The following RNASEL variants were observed in gnomAD, a reference collection of about 807,000 sequenced individuals.
RNASEL encodes ribonuclease L, also known as 2-5A-dependent ribonuclease.
In RNASEL, 36 loss-of-function variants were observed where a neutral mutation model predicts 50.9. The observed-to-expected ratio is 0.71, with a 90% CI of 0.54 to 0.93. The LOEUF (loss-of-function observed/expected upper bound fraction) is 0.93, where lower values mean the gene tolerates loss of function less well. Ranked by LOEUF, RNASEL falls within the 40% of genes least tolerant of loss-of-function variation. The probability of loss-of-function intolerance (pLI) is 0.00; values close to 1 mark genes in which losing one functional copy is unlikely to be tolerated. For missense variants in RNASEL, 860 were observed against 894.5 expected (o/e 0.96, Z 0.49); for synonymous variants, 335 against 335.6 (o/e 1.00, Z 0.02).
intron 6 of RNASEL, 91 bp downstream of exon 6, chr1:182,576,163 TTC>T: frequency 3.1e-6 from 4 of 1,310,612 alleles, no homozygotes; most frequent in Non-Finnish European, 4.3e-6. Context: ...AAAATAAATT[TTC>T]TTTTTTCCAT....
At position 182,573,639 on chromosome 1, in the gene RNASEL, C is replaced by A. The variant is rs1454423412; in HGVS notation, c.*1753G>T. 5.6e-6 allele frequency: 1 copy of A among 177,070 alleles called. No homozygotes were observed. Among genetic ancestry groups the A allele is most frequent in the Admixed American group, 6.3e-5 (1 of 15,802 alleles). The allele number at this position is 177,070 out of a possible 1,614,324, so 11.0% of individuals were successfully genotyped here. A position where few individuals can be genotyped will look rare whatever the true frequency, so the allele number is the denominator to read the frequency against. On this transcript the variant is annotated 3_prime_UTR_variant, in exon 7 of 7. Transcript: ENST00000367559. ...TTAAAGAAAATCAGACTAAATAAGA[C>A]AATTTAAAGTTTTATTGAGTAAGCT...
chr1:182,583,671 GC>G (rs1480515703), intron 3 of RNASEL, among the ~76,000 whole-genome samples: 1 of 152,156 alleles, frequency 6.6e-6, no homozygotes, highest in African/African-American at 2.4e-5. Flanking sequence ...AAATGAAAGA[GC>G]AGACAACTTG....
chr1:182,580,038 T>C (rs920229511), intron 5 of RNASEL: 1 of 452,602 alleles, frequency 2.2e-6, no homozygotes, highest in Admixed American at 2.4e-5. Flanking sequence ...TCTCAGAAGT[T>C]GTGCTAAAGA....
chr1:182,584,229 G>T, intron 2 of RNASEL, 63 bp from the exon 3 acceptor site: 4 of 1,042,232 alleles, frequency 3.8e-6, no homozygotes, highest in Non-Finnish European at 6.1e-6. Context: ...AGAGTCAATT[G>T]ATTTATATAA....
In RNASEL at chr1:182,582,087, G is replaced by A; in HGVS notation, c.1738C>T (p.Leu580=). Residue 580 remains leucine (L), a synonymous_variant, in exon 4 of 7, where the codon CTG becomes TTG. Transcript: ENST00000367559. The stretch of plus-strand genomic sequence containing the variant: ...GTCCAAAAGAAGGGATGACCCAGCA[G>A]GTCACTCAGACAGTCCCTCACATGT... ...GEHVRDCLSD[L]LGHPFFWTWE... The A allele has an allele frequency of 1.9e-6, 3 of 1,614,190 alleles. No homozygotes were observed. The highest frequency in any genetic ancestry group is 2.5e-6 in the Non-Finnish European group (3 of 1,180,028).
chr1:182,575,251 C>T lies in RNASEL; in HGVS notation c.*141G>A. On this transcript the variant is annotated 3_prime_UTR_variant, in exon 7 of 7. Coordinates refer to ENST00000367559, the MANE Select transcript of RNASEL (RefSeq NM_021133.4). ...GCTTTTGTTATAGACATATGGAATA[C>T]ACGATGCCAGGGACTGACATATCAG... 1.2e-6 allele frequency: 1 copy of T among 802,214 alleles called. No individual in the cohort carries two copies. Among genetic ancestry groups the T allele is most frequent in the Non-Finnish European group, 2.2e-6 (1 of 458,694 alleles). The allele number at this position is 802,214 out of a possible 1,614,324, so 49.7% of individuals were successfully genotyped here. A position where few individuals can be genotyped will look rare whatever the true frequency, so the allele number is the denominator to read the frequency against.
At position 182,586,681 on chromosome 1, in the gene RNASEL, C is replaced by T. The variant is rs184061573; in HGVS notation, c.126G>A (p.Gln42=). 7.8e-5 allele frequency: 126 copies of T among 1,614,162 alleles called. No homozygotes were observed. The East Asian group carries it at 2.6e-3, about 34-fold the overall frequency. ...AVQNEDVDLV[Q]QLLEGGANVN... ...CATTGGCTCCACCTTCCAGCAATTG[C>T]TGGACCAGGTCAACATCTTCGTTTT... Residue 42 remains glutamine, a synonymous_variant, in exon 2 of 7, where the codon CAG becomes CAA. Transcript: ENST00000367559.
rs201388394 is a variant in RNASEL at position 182,585,674 on chromosome 1, C to T, written c.1133G>A (p.Gly378Asp). ...KYKIADTSEG[G>D]IYLGFYEKQE... ...CTTCTCATAGAACCCCAGGTAGATG[C>T]CTCCTTCTGAAGTATCAGCAATTTT... is the stretch of plus-strand genomic sequence containing the variant. The change falls in exon 2 of 7, where the codon GGC becomes GAC. Residue 378 changes from glycine to aspartate, a missense_variant. By Grantham distance (94) the Gly-to-Asp change is moderately conservative (BLOSUM62 -1). Coordinates refer to ENST00000367559, the MANE Select transcript of RNASEL (RefSeq NM_021133.4). 3.7e-6 allele frequency: 6 copies of T among 1,614,018 alleles called. No homozygotes were observed. Among genetic ancestry groups the T allele is most frequent in the Non-Finnish European group, 5.1e-6 (6 of 1,180,036 alleles).
intron 5 of RNASEL, among the ~76,000 whole-genome samples, chr1:182,581,001 G>A (rs1661482616): frequency 6.6e-6 from 1 of 152,182 alleles, no homozygotes; most frequent in Middle Eastern, 3.2e-3. Flanking sequence ...TCTATCAGAG[G>A]GGCATGGGTC....
At position 182,586,167 on chromosome 1, in the gene RNASEL, C is replaced by G. The variant is rs755094245; in HGVS notation, c.640G>C (p.Asp214His). Residue 214 changes from aspartate to histidine, a missense_variant, in exon 2 of 7, where the codon GAC (aspartate) becomes CAC (histidine). By Grantham distance (81) the Asp-to-His change is moderately conservative. Transcript: ENST00000367559. ...NALIHALLSS[D>H]DSDVEAITHL... ...GTAATAGCCTCCACATCACTATCGT[C>G]AGAGCTCAGGAGAGCATGGATCAAG... The G allele has an allele frequency of 6.2e-7, 1 of 1,614,224 alleles. No homozygotes were observed. Among genetic ancestry groups the G allele is most frequent in the Non-Finnish European group, 8.5e-7 (1 of 1,180,036 alleles).
At position 182,585,514 on chromosome 1, in the gene RNASEL, A is replaced by C. The variant is rs1571269292; in HGVS notation, c.1293T>G (p.Phe431Leu). Residue 431 changes from phenylalanine to leucine, a missense_variant, in exon 2 of 7, where the codon TTT becomes TTG. Transcript: ENST00000367559. Reference sequence around the variant, plus strand: ...TCTGCTCACAGAGGGTGACACACACAAACAAGTGGCCCCTGTGGCTCTCAC... The same window carrying C: ...TCTGCTCACAGAGGGTGACACACACCAACAAGTGGCCCCTGTGGCTCTCAC... ...YGSESHRGHLFVCVTLCEQTL... is the reference protein window; with the variant it reads ...YGSESHRGHLLVCVTLCEQTL... The C allele has an allele frequency of 3.7e-6, 6 of 1,614,160 alleles. No homozygotes were observed. The highest frequency in any genetic ancestry group is 1.6e-4 in the Middle Eastern group (1 of 6,062).
Position 182,575,306 on chromosome 1 carries a change from G to A in RNASEL, c.*86C>T, listed in dbSNP as rs898669025. 1 of 1,340,428 alleles carries A rather than the reference G, an allele frequency of 7.5e-7. No individual in the cohort carries two copies. Among genetic ancestry groups the A allele is most frequent in the Non-Finnish European group, 1.1e-6 (1 of 932,430 alleles). 83.0% of individuals were successfully genotyped at this position (1,340,428 alleles called of 1,614,324 possible). A position where few individuals can be genotyped will look rare whatever the true frequency, so the allele number is the denominator to read the frequency against. ...GCAACTCATCCCTCACAAGCAACCT[G>A]GTGAGTTAAAAGGCCCAGAATGTTG... On this transcript the variant is annotated 3_prime_UTR_variant, in exon 7 of 7. Transcript: ENST00000367559.
At position 182,585,336 on chromosome 1, in the gene RNASEL, T is replaced by C. The variant is rs1661570825; in HGVS notation, c.1471A>G (p.Ile491Val). ...YTHQDLQPQN[I>V]LIDSKKAAHL... ...GGGATTGGGGACTCACCTATTAAGA[T>C]GTTTTGTGGTTGCAGATCCTGGTGG... The change falls in exon 2 of 7, where the codon ATC becomes GTC. Residue 491 changes from isoleucine (I) to valine (V), a missense_variant. Physicochemically the swap from Ile to Val is conservative, Grantham distance 29. Coordinates refer to ENST00000367559, the MANE Select transcript of RNASEL (RefSeq NM_021133.4). 1 of 1,614,054 alleles carries C rather than the reference T, an allele frequency of 6.2e-7. No individual in the cohort carries two copies. The highest frequency in any genetic ancestry group is 8.5e-7 in the Non-Finnish European group (1 of 1,179,924).
At position 182,586,738 on chromosome 1, in the gene RNASEL, C is replaced by T. The variant is rs747068435; in HGVS notation, c.69G>A (p.Val23=). The change falls in exon 2 of 7, where the codon GTG becomes GTA. Residue 23 remains valine (V), a synonymous_variant. Coordinates refer to ENST00000367559, the MANE Select transcript of RNASEL (RefSeq NM_021133.4). ...PTSSSGRRAA[V]EDNHLLIKAV... ...CTTTAATCAGCAAGTGATTGTCTTC[C>T]ACTGCAGCCCTTCTACCGCTGGAGG... 8.7e-6 allele frequency: 14 copies of T among 1,614,260 alleles called. No homozygotes were observed. The highest frequency in any genetic ancestry group is 1.7e-5 in the Admixed American group (1 of 60,038).
At chr1:182,581,197 A>C in intron 5 of RNASEL, 28 bp downstream of exon 5, 1 of 1,614,034 alleles carries the variant, frequency 6.2e-7, no homozygotes, top group Middle Eastern at 1.6e-4. Context: ...TCCTGGACTA[A>C]CCCCTGCACT....
In RNASEL at chr1:182,585,709, A is replaced by T. The variant is rs780870836; in HGVS notation, c.1098T>A (p.Asp366Glu). ...AAGTATCAGCAATTTTGTATTTTTC[A>T]TCAATAAAGAACTTGAGTTTGCCAA... The part of the protein sequence containing the change: ...PMIGKLKFFI[D>E]EKYKIADTSE... The change falls in exon 2 of 7, where the codon GAT (aspartate) becomes GAA (glutamate). Residue 366 changes from aspartate (D) to glutamate (E), a missense_variant. Physicochemically the swap from Asp to Glu is conservative, Grantham distance 45. Transcript: ENST00000367559. The T allele has an allele frequency of 1.9e-6, 3 of 1,614,006 alleles. No homozygotes were observed. Among genetic ancestry groups the T allele is most frequent in the Non-Finnish European group, 2.5e-6 (3 of 1,180,010 alleles).
Position 182,576,401 on chromosome 1 carries a change from A to G in RNASEL, c.1906-12T>C, listed in dbSNP as rs141691276. On this transcript the variant is annotated splice_polypyrimidine_tract_variant and intron_variant, in intron 5 of 6. Coordinates refer to ENST00000367559, the MANE Select transcript of RNASEL (RefSeq NM_021133.4). ...ACACATTCATTAATCTAAAAAAACAAAAAATAACACAAAAATGTGGTAGCA... is the reference window on the plus strand; with the variant it reads ...ACACATTCATTAATCTAAAAAAACAGAAAATAACACAAAAATGTGGTAGCA... The G allele has an allele frequency of 1.8e-3, 2,755 of 1,545,224 alleles. 72 individuals are homozygous for G. In the Admixed American group the frequency reaches 0.037, roughly 21 times the overall value.
At position 182,574,135 on chromosome 1, in the gene RNASEL, T is replaced by G; in HGVS notation, c.*1257A>C. On this transcript the variant is annotated 3_prime_UTR_variant, in exon 7 of 7. Transcript: ENST00000367559. ...TACATTATAAAGCACCAGAAAAACG[T>G]AAGACAGTATTATTATTCATGTACG... is the stretch of plus-strand genomic sequence containing the variant. 4.6e-6 allele frequency: 1 copy of G among 219,224 alleles called. No individual in the cohort carries two copies. Among genetic ancestry groups the G allele is most frequent in the Middle Eastern group, 1.5e-3 (1 of 682 alleles). 13.6% of individuals were successfully genotyped at this position (219,224 alleles called of 1,614,324 possible).
In RNASEL at chr1:182,581,341, G is replaced by A. The variant is rs755669893; in HGVS notation, c.1789C>T (p.Arg597Trp). ...ATGTCGGATTCATTTCCCACATTCC[G>A]AAGCGTCCTATAGCGGCTGAAGATG... The part of the protein sequence containing the change: ...WTWESRYRTL[R>W]NVGNESDIKT... Residue 597 changes from arginine to tryptophan, a missense_variant, in exon 5 of 7, where the codon CGG becomes TGG. Arg to Trp is a moderately radical substitution (Grantham distance 101, BLOSUM62 -3). Transcript: ENST00000367559. 8.1e-6 allele frequency: 13 copies of A among 1,613,876 alleles called. No individual in the cohort carries two copies. Among genetic ancestry groups the A allele is most frequent in the South Asian group, 4.4e-5 (4 of 91,058 alleles).
Sources: gnomAD v4.1 joint callset for allele counts (sites outside exome capture counted in the v4.1 genomes callset) on GRCh38, gnomAD v4.1.1 for gene constraint, MANE v1.5 for transcripts, NCBI Gene and HGNC (gene_info 2026-07-23, HGNC 2026-07-21) for gene names.